Variants in NLRP5 observed in about 807,000 individuals in gnomAD.
NLRP5 encodes the protein NLR family pyrin domain containing 5.
NLRP5 carries 93 observed loss-of-function variants against 113.1 expected under a neutral mutation model. That is an observed-to-expected ratio of 0.82 (90% confidence interval 0.70 to 0.98). The LOEUF is 0.98. Among genes scored for constraint, NLRP5 ranks in the 50% least tolerant of loss-of-function variants. The pLI is 0.00. For missense variants in NLRP5, 1,808 were observed against 1,514.3 expected (o/e 1.19, Z -3.22); for synonymous variants, 751 against 600.7 (o/e 1.25, Z -3.66).
At chr19:55,992,803 T>C in the NLRP5 span, among the ~76,000 whole-genome samples, 2 of 152,160 alleles carry the variant, frequency 1.3e-5, no homozygotes, top group African/African-American at 4.8e-5. Context: ...ATACATTTGC[T>C]GCAGTTTTTC....
chr19:56,036,068 T>G (rs1355988381), intron 9 of NLRP5, among the ~76,000 whole-genome samples: 2 of 138,694 alleles, frequency 1.4e-5, no homozygotes, highest in African/African-American at 5.6e-5. Context: ...CTTTTTTTTT[T>G]TTTTTTTTTT....
At chr19:56,026,877 G>C (rs1386820198) in intron 6 of NLRP5, 36 bp from the exon 7 acceptor site, 9 of 1,533,048 alleles carry the variant, frequency 5.9e-6, no homozygotes, top group Non-Finnish European at 7.9e-6. Context: ...TGCCTGGTCT[G>C]TTTCCTGATT....
chr19:56,027,001 T>C lies in NLRP5; in HGVS notation c.768T>C (p.Thr256=). 3.2e-6 allele frequency: 5 copies of C among 1,551,832 alleles called. No homozygotes were observed. The highest frequency in any genetic ancestry group is 4.4e-6 in the Non-Finnish European group (5 of 1,147,042). ...ATGTACGTCGTAGTTTTGAAAACAC[T>C]GCTGCTGACTGGCCGGAAATGCAAA... The change falls in exon 7 of 15, where the codon ACT becomes ACC. Residue 256 remains threonine, a synonymous_variant. Coordinates refer to ENST00000390649, the MANE Select transcript of NLRP5 (RefSeq NM_153447.4).
chr19:55,997,086 GTGA>G (rs1443887070), upstream of NLRP5, among the ~76,000 whole-genome samples: 25 of 152,194 alleles, frequency 1.6e-4, no homozygotes, highest in Admixed American at 5.2e-4. Context: ...CTGATGGCCA[GTGA>G]TGATGAGCAT....
At chr19:55,986,856 C>A in the NLRP5 span, among the ~76,000 whole-genome samples, 1 of 152,154 alleles carries the variant, frequency 6.6e-6, no homozygotes, top group Non-Finnish European at 1.5e-5. Context: ...TCTGCCCTTC[C>A]CGCTTTTGTT....
At chr19:56,033,452 C>A in intron 8 of NLRP5, 90 bp from the exon 9 acceptor site, 1 of 1,011,286 alleles carries the variant, frequency 9.9e-7, no homozygotes, top group Non-Finnish European at 1.5e-6. Flanking sequence ...TAGAAATTTG[C>A]AAGTTAGAAT....
chr19:56,035,035 T>C (rs1983261117), intron 9 of NLRP5, among the ~76,000 whole-genome samples: 1 of 152,206 alleles, frequency 6.6e-6, no homozygotes. Flanking sequence ...ACCTCCCTGG[T>C]TCAGGCAATT....
At chr19:56,021,958 T>A (rs1351622747) in intron 6 of NLRP5, among the ~76,000 whole-genome samples, 1 of 152,188 alleles carries the variant, frequency 6.6e-6, no homozygotes. Context: ...GACTAACATT[T>A]TGAGCTCTGA....
In NLRP5 at chr19:56,019,241, A is replaced by G. The variant is rs529819450; in HGVS notation, c.566-101A>G. On this transcript the variant is annotated intron_variant, in intron 4 of 14. Transcript: ENST00000390649. Reference sequence around the variant, plus strand: ...GTGGTTGCCATGTTTTCAACTGGCCAGAAAATAAATATGGCATGACTAAGC... The same window carrying G: ...GTGGTTGCCATGTTTTCAACTGGCCGGAAAATAAATATGGCATGACTAAGC... 993 of 1,341,124 alleles carry G rather than the reference A, an allele frequency of 7.4e-4. 1 individual carries two copies. Among genetic ancestry groups the G allele is most frequent in the Middle Eastern group, 2.7e-3 (15 of 5,458 alleles). 83.1% of individuals were successfully genotyped at this position (1,341,124 alleles called of 1,614,324 possible). A position where few individuals can be genotyped will look rare whatever the true frequency, so the allele number is the denominator to read the frequency against.
chr19:56,013,374 A>G (rs929217006), intron 3 of NLRP5, among the ~76,000 whole-genome samples: 1 of 151,802 alleles, frequency 6.6e-6, no homozygotes, highest in African/African-American at 2.4e-5. Flanking sequence ...TTGTATTTTC[A>G]GTAGAGACGG....
chr19:55,990,053 C>T, the NLRP5 span, among the ~76,000 whole-genome samples: 2 of 143,220 alleles, frequency 1.4e-5, no homozygotes, highest in African/African-American at 2.5e-5. Context: ...ATTTAAAAGT[C>T]ATGCCGTTTC....
the NLRP5 span, among the ~76,000 whole-genome samples, chr19:55,993,818 A>AT: frequency 1.3e-5 from 2 of 151,034 alleles, no homozygotes; most frequent in African/African-American, 4.9e-5. Context: ...GTTGTCACAA[A>AT]TGGCAGGATT....
intron 14 of NLRP5, among the ~76,000 whole-genome samples, chr19:56,059,462 AAAATCTTGACCAGAG>A (rs1386936437): frequency 2.0e-5 from 3 of 152,234 alleles, no homozygotes; most frequent in African/African-American, 4.8e-5. Context: ...TGAAGGGAGT[AAAATCTTGACCAGAG>A]AAATGTACAG....
intron 9 of NLRP5, among the ~76,000 whole-genome samples, chr19:56,036,969 A>G (rs1449649077): frequency 1.3e-5 from 2 of 151,818 alleles, no homozygotes; most frequent in African/African-American, 4.8e-5. Flanking sequence ...AATAATAATA[A>G]TAAAATAAAC....
At chr19:56,056,076 C>T (rs1461313228) in intron 13 of NLRP5, among the ~76,000 whole-genome samples, 3 of 152,180 alleles carry the variant, frequency 2.0e-5, no homozygotes, top group African/African-American at 4.8e-5. Flanking sequence ...TCGTTTTCCC[C>T]ACCACCTGAG....
At chr19:56,030,694 C>T (rs887056702) in intron 7 of NLRP5, among the ~76,000 whole-genome samples, 1 of 126,170 alleles carries the variant, frequency 7.9e-6, no homozygotes, top group Non-Finnish European at 1.6e-5. Context: ...GCTATACTTA[C>T]ATTCATTCGC....
chr19:55,991,790 A>C, the NLRP5 span, among the ~76,000 whole-genome samples: 2 of 152,224 alleles, frequency 1.3e-5, no homozygotes. Flanking sequence ...AATTAGGTAA[A>C]TATAAATAAT....
chr19:56,020,334 G>A (rs62120423), intron 5 of NLRP5, 41 bp from the exon 6 acceptor site: 98,248 of 1,607,666 alleles, frequency 0.061, 3,453 homozygotes, highest in African/African-American at 0.093. Context: ...TCTCTGACTC[G>A]AATAATAAAC....
In NLRP5 at chr19:56,032,657, T is replaced by C. The variant is rs199475777; in HGVS notation, c.2323T>C (p.Ser775Pro). ...TGAGGAGCAGTGGGAAGATTTCTGCTCCATGCTTGGCACCCACCCACACCT... is the reference window on the plus strand; with the variant it reads ...TGAGGAGCAGTGGGAAGATTTCTGCCCCATGCTTGGCACCCACCCACACCT... The change falls in exon 8 of 15, where the codon TCC (serine) becomes CCC (proline). Residue 775 changes from serine to proline, a missense_variant. Coordinates refer to ENST00000390649, the MANE Select transcript of NLRP5 (RefSeq NM_153447.4). 2 of 1,613,650 alleles carry C rather than the reference T, an allele frequency of 1.2e-6. No homozygotes were observed. Among genetic ancestry groups the C allele is most frequent in the Non-Finnish European group, 8.5e-7 (1 of 1,179,802 alleles).
Sources: gnomAD v4.1 joint callset for allele counts (sites outside exome capture counted in the v4.1 genomes callset) on GRCh38, gnomAD v4.1.1 for gene constraint, MANE v1.5 for transcripts, NCBI Gene and HGNC (gene_info 2026-07-23, HGNC 2026-07-21) for gene names.